PPP3CA: variants seen among roughly 807,000 people sequenced by gnomAD.
PPP3CA encodes CAM-PRP catalytic subunit.
A neutral mutation model predicts 66.5 loss-of-function variants in PPP3CA; 14 were observed. The observed-to-expected ratio is 0.21, with a 90% CI of 0.14 to 0.33. The LOEUF is 0.33. PPP3CA is among the 10% of genes least tolerant of loss of function. The probability of loss-of-function intolerance (pLI) is 1.00; values close to 1 mark genes in which losing one functional copy is unlikely to be tolerated. For synonymous variants in PPP3CA, 232 were observed against 226.2 expected (o/e 1.03, Z -0.23); for missense variants, 317 against 639.5 (o/e 0.50, Z 5.44).
At chr4:101,153,993 A>C (rs1328941129) in intron 2 of PPP3CA, among the ~76,000 whole-genome samples, 1 of 152,248 alleles carries the variant, frequency 6.6e-6, no homozygotes, top group Non-Finnish European at 1.5e-5. Flanking sequence ...GTTATTAAAT[A>C]AAGCCCATGG....
At chr4:101,033,293 AACACACACAC>A (rs70961772) in intron 11 of PPP3CA, among the ~76,000 whole-genome samples, 981 of 139,348 alleles carry the variant, frequency 7.0e-3, no homozygotes, top group Middle Eastern at 0.019. Context: ...CACACACACA[AACACACACAC>A]ACACACACAC....
At chr4:101,085,009 T>C (rs1225428047) in intron 6 of PPP3CA, among the ~76,000 whole-genome samples, 1 of 152,162 alleles carries the variant, frequency 6.6e-6, no homozygotes, top group Non-Finnish European at 1.5e-5. Flanking sequence ...TATACGACCT[T>C]TCCAGGTAAG....
At chr4:101,308,096 T>C (rs976192903) in intron 1 of PPP3CA, among the ~76,000 whole-genome samples, 2 of 152,222 alleles carry the variant, frequency 1.3e-5, no homozygotes, top group Non-Finnish European at 2.9e-5. Flanking sequence ...AACAGTACAC[T>C]TTATAATGAC....
At chr4:101,158,299 G>A (rs1466420229) in intron 2 of PPP3CA, 1 of 152,182 alleles carries the variant, frequency 6.6e-6, no homozygotes, top group Non-Finnish European at 1.5e-5. Flanking sequence ...GCAGCTCCAG[G>A]GAAGATCAGC....
chr4:101,132,283 A>G (rs1173033030), intron 2 of PPP3CA, among the ~76,000 whole-genome samples: 3 of 152,188 alleles, frequency 2.0e-5, no homozygotes, highest in Non-Finnish European at 4.4e-5. Flanking sequence ...AGAGACACAA[A>G]AAAACCTTCA....
At chr4:101,162,041 A>G (rs1198494599) in intron 2 of PPP3CA, among the ~76,000 whole-genome samples, 2 of 152,250 alleles carry the variant, frequency 1.3e-5, no homozygotes, top group East Asian at 1.9e-4. Flanking sequence ...GGAGTTCGAA[A>G]CCGGCCTGGC....
intron 1 of PPP3CA, among the ~76,000 whole-genome samples, chr4:101,263,076 T>C (rs1355603500): frequency 2.6e-5 from 4 of 152,188 alleles, no homozygotes; most frequent in Non-Finnish European, 5.9e-5. Context: ...AAGATAAAAT[T>C]AAGCTGAACA....
rs548579966 is a variant in PPP3CA at position 101,299,032 on chromosome 4, T to C, written c.58+47707A>G. 9.2e-5 allele frequency among the ~76,000 whole-genome samples: 14 copies of C among 151,908 alleles called. No individual in the cohort carries two copies. In the South Asian group the frequency reaches 2.9e-3, roughly 32 times the overall value. The stretch of plus-strand genomic sequence containing the variant: ...ATTATTTCCCCATAGAAAACTATGA[T>C]ATTCAGCACCACTGCTGAATATCAA... On this transcript the variant is annotated intron_variant, in intron 1 of 13. Transcript: ENST00000394854.
Position 101,063,232 on chromosome 4 carries a change from CT to C in PPP3CA, c.1080del (p.Val361Ter). On this transcript the variant is annotated frameshift_variant and splice_region_variant, in exon 9 of 14. Coordinates refer to ENST00000394854, the MANE Select transcript of PPP3CA (RefSeq NM_000944.5). LOFTEE classifies it high-confidence loss of function. ...FTWSLPFVGEKVTEMLVNVLN... is the reference protein window; with the variant it reads ...FTWSLPFVGEXVTEMLVNVLN... ...AACATCTCAGGATTCCACAACATAC[CT>C]TTTTCCCCAACAAATGGAAGGGACC... 2 of 1,609,906 alleles carry C rather than the reference CT, an allele frequency of 1.2e-6. No individual in the cohort carries two copies. Among genetic ancestry groups the C allele is most frequent in the Admixed American group, 1.7e-5 (1 of 59,628 alleles).
intron 2 of PPP3CA, among the ~76,000 whole-genome samples, chr4:101,111,511 T>C (rs542747487): frequency 6.6e-6 from 1 of 152,250 alleles, no homozygotes; most frequent in South Asian, 2.1e-4. Context: ...TTATTTGGAA[T>C]CTCTATGGCA....
chr4:101,279,258 A>C (rs1560694963), intron 1 of PPP3CA, among the ~76,000 whole-genome samples: 1 of 152,230 alleles, frequency 6.6e-6, no homozygotes, highest in African/African-American at 2.4e-5. Context: ...ATCCAAGAGC[A>C]GCAAATGGAT....
In PPP3CA at chr4:101,039,370, A is replaced by G. The variant is rs180922647; in HGVS notation, c.1241+1112T>C. On this transcript the variant is annotated intron_variant, in intron 11 of 13. Transcript: ENST00000394854. ...TTCTTTTCTCCATGGTACATAATCA[A>G]TGCTTTAAGTTTCACTATATTTACT... is the stretch of plus-strand genomic sequence containing the variant. Among the ~76,000 whole-genome samples, 10 of 145,216 alleles carry G rather than the reference A, an allele frequency of 6.9e-5. 2 individuals are homozygous for G. Among genetic ancestry groups the G allele is most frequent in the Admixed American group, 5.5e-4 (8 of 14,540 alleles).
chr4:101,194,447 C>T (rs1476828440), intron 2 of PPP3CA, among the ~76,000 whole-genome samples: 1 of 152,072 alleles, frequency 6.6e-6, no homozygotes, highest in Non-Finnish European at 1.5e-5. Flanking sequence ...ATGTCTAAAT[C>T]AGAATAATAT....
chr4:101,106,083 G>A (rs1445127987), intron 3 of PPP3CA, among the ~76,000 whole-genome samples: 2 of 152,046 alleles, frequency 1.3e-5, no homozygotes, highest in Non-Finnish European at 2.9e-5. Flanking sequence ...AGCACTTTGG[G>A]AGGTCAGGGT....
rs975462766 is a variant in PPP3CA at position 101,230,107 on chromosome 4, T to G, written c.59-33991A>C. 2.0e-5 allele frequency among the ~76,000 whole-genome samples: 3 copies of G among 151,660 alleles called. No homozygotes were observed. In the South Asian group the frequency reaches 6.2e-4, roughly 31 times the overall value. On this transcript the variant is annotated intron_variant, in intron 1 of 13. Coordinates refer to ENST00000394854, the MANE Select transcript of PPP3CA (RefSeq NM_000944.5). ...TGTGATTCCATGAGATCTGGATTAT[T>G]TTTTAATCTATTTTGCAGCAGAATC...
At chr4:101,337,197 T>G (rs1298492433) in intron 1 of PPP3CA, among the ~76,000 whole-genome samples, 1 of 152,232 alleles carries the variant, frequency 6.6e-6, no homozygotes, top group Non-Finnish European at 1.5e-5. Flanking sequence ...CTGGTTAAAT[T>G]TTTTTAAAAA....
chr4:101,031,077 ACTC>A (rs66667703), intron 12 of PPP3CA, among the ~76,000 whole-genome samples: 55,103 of 150,762 alleles, frequency 0.37, 11,431 homozygotes, highest in Non-Finnish European at 0.48. Flanking sequence ...TTTTGTAAAA[ACTC>A]AAAAGACACT....
chr4:101,253,687 A>G (rs1726747423), intron 1 of PPP3CA, among the ~76,000 whole-genome samples: 1 of 152,096 alleles, frequency 6.6e-6, no homozygotes, highest in Non-Finnish European at 1.5e-5. Context: ...TTAAATTAAC[A>G]TATTTTGATA....
chr4:101,236,475 C>A (rs1299668082), intron 1 of PPP3CA, among the ~76,000 whole-genome samples: 1 of 151,924 alleles, frequency 6.6e-6, no homozygotes, highest in Non-Finnish European at 1.5e-5. Flanking sequence ...TATTGAAGTA[C>A]AATGGGAAGC....
Sources: allele counts gnomAD v4.1 joint callset (sites outside exome capture counted in the v4.1 genomes callset), GRCh38; gene constraint gnomAD v4.1.1; transcripts MANE v1.5; gene names NCBI Gene and HGNC (gene_info 2026-07-23, HGNC 2026-07-21).